The following RALGAPB variants were observed in gnomAD, a reference collection of about 807,000 sequenced individuals.
The protein encoded by RALGAPB is Ral GTPase activating protein non-catalytic subunit beta.
Under a neutral mutation model 161.1 loss-of-function variants are expected in RALGAPB, and 25 were observed. That is an observed-to-expected ratio of 0.16 (90% CI 0.11 to 0.22). The LOEUF (loss-of-function observed/expected upper bound fraction) is 0.22. RALGAPB is among the 10% of genes least tolerant of loss of function. The pLI, the probability that RALGAPB is intolerant of heterozygous loss-of-function variation, is 1.00. For missense variants in RALGAPB, 1,391 were observed against 1,815.2 expected, an observed-to-expected ratio of 0.77 and a Z score of 4.25; for synonymous variants, 629 against 626.1, an observed-to-expected ratio of 1.00 and a Z score of -0.07.
chr20:38,541,778 G>A (rs1006860858), intron 18 of RALGAPB, among the ~76,000 whole-genome samples: 1 of 152,108 alleles, frequency 6.6e-6, no homozygotes, highest in Admixed American at 6.5e-5. Flanking sequence ...ATAAAATGCT[G>A]GGGAGTTGAA....
chr20:38,488,123 A>G (rs1473977834), intron 1 of RALGAPB, among the ~76,000 whole-genome samples: 1 of 152,206 alleles, frequency 6.6e-6, no homozygotes, highest in African/African-American at 2.4e-5. Context: ...TACAAAGGAA[A>G]CAAGTTTCAC....
At chr20:38,574,735 T>G in intron 29 of RALGAPB, 39 bp from the exon 30 acceptor site, 1 of 1,561,398 alleles carries the variant, frequency 6.4e-7, no homozygotes. Context: ...CGTAAGTGAC[T>G]AGTTTCTAAC....
chr20:38,481,254 T>G (rs2084960133), intron 1 of RALGAPB, among the ~76,000 whole-genome samples: 1 of 152,178 alleles, frequency 6.6e-6, no homozygotes, highest in African/African-American at 2.4e-5. Flanking sequence ...AATATCACAT[T>G]CAACATTTTA....
chr20:38,492,100 C>G (rs1315180041), intron 2 of RALGAPB, among the ~76,000 whole-genome samples: 2 of 152,186 alleles, frequency 1.3e-5, no homozygotes, highest in East Asian at 3.8e-4. Flanking sequence ...TACCACATGA[C>G]AGAATAGTAT....
At chr20:38,524,699 C>A in intron 10 of RALGAPB, 79 bp from the exon 11 acceptor site, 1 of 1,094,182 alleles carries the variant, frequency 9.1e-7, no homozygotes, top group Non-Finnish European at 1.4e-6. Flanking sequence ...AATAGACTTT[C>A]AGTTAACTAT....
rs1238699938 is a variant in RALGAPB, at chr20:38,577,174, GGT to G, written c.*2208_*2209del. ...GGATACCCATACCTTACCAGGCGCT[GGT>G]TCCTTCTGCTCACAATAACATCTGC... On this transcript the variant is annotated 3_prime_UTR_variant, in exon 30 of 30. Coordinates refer to ENST00000262879, the MANE Select transcript of RALGAPB (RefSeq NM_020336.4). 1 of 152,154 alleles carries G rather than the reference GGT, an allele frequency of 6.6e-6. No individual in the cohort carries two copies. Among genetic ancestry groups the G allele is most frequent in the African/African-American group, 2.4e-5 (1 of 41,436 alleles). The allele number at this position is 152,154 out of a possible 1,614,324, so 9.4% of individuals were successfully genotyped here. A position where few individuals can be genotyped will look rare whatever the true frequency, so the allele number is the denominator to read the frequency against.
rs142305547 is a variant in RALGAPB at position 38,541,335 on chromosome 20, G to A, written c.2714+143G>A. 619 of 913,994 alleles carry A rather than the reference G, an allele frequency of 6.8e-4. 3 individuals are homozygous for A. In the African/African-American group the frequency reaches 9.1e-3, roughly 13 times the overall value. The allele number at this position is 913,994 out of a possible 1,614,324, so 56.6% of individuals were successfully genotyped here. ...ATACTTTTTCTCCAGAAATAAAATG[G>A]GAAGAAAATCTCTATTTTTTTTTTA... On this transcript the variant is annotated intron_variant, in intron 18 of 29. Transcript: ENST00000262879.
chr20:38,492,259 C>G (rs956784115), intron 2 of RALGAPB, among the ~76,000 whole-genome samples: 9 of 152,164 alleles, frequency 5.9e-5, no homozygotes, highest in Non-Finnish European at 1.2e-4. Flanking sequence ...CTGCCGGCAG[C>G]CTAGTGGTTC....
chr20:38,483,159 G>T lies in RALGAPB; in HGVS notation c.-30-5244G>T, dbSNP rs536638731. Among the ~76,000 whole-genome samples the T allele has an allele frequency of 7.2e-5, 11 of 152,324 alleles. No homozygotes were observed. The South Asian group carries it at 2.3e-3, about 32-fold the overall frequency. On this transcript the variant is annotated intron_variant, in intron 1 of 29. Transcript: ENST00000262879. Reference sequence around the variant, plus strand: ...CCGCCTCCGCCTCCCATGGTGCTGGGATTATAGGCGTGAGCCACCATACCT... The same window carrying T: ...CCGCCTCCGCCTCCCATGGTGCTGGTATTATAGGCGTGAGCCACCATACCT...
Position 38,497,441 on chromosome 20 carries a change from C to T in RALGAPB, c.478C>T (p.Arg160Ter). Residue 160 changes from arginine to a stop codon, truncating the protein, a stop_gained, in exon 4 of 30, where the codon CGA becomes TGA. Coordinates refer to ENST00000262879, the MANE Select transcript of RALGAPB (RefSeq NM_020336.4). LOFTEE classifies it high-confidence loss of function. The stretch of plus-strand genomic sequence containing the variant: ...GGCCCGTGAGTCATCTCTCATGGCC[C>T]GAGAAACTTGGGAAGTCTTACTGTT... ...KLARESSLMA[R>*]ETWEVLLLFL... 1.2e-6 allele frequency: 2 copies of T among 1,614,010 alleles called. No homozygotes were observed. Among genetic ancestry groups the T allele is most frequent in the East Asian group, 2.2e-5 (1 of 44,878 alleles).
chr20:38,517,798 T>C lies in RALGAPB; in HGVS notation c.1215T>C (p.His405=). The change falls in exon 9 of 30, where the codon CAT becomes CAC. Residue 405 remains histidine, a synonymous_variant. Coordinates refer to ENST00000262879, the MANE Select transcript of RALGAPB (RefSeq NM_020336.4). ...TCGTCTAATAGGTTAGTACTGCTCA[T>C]GCCTCTAAAGTTCAGCACCAGACGT... ...TMKTSTVSTA[H]ASKVQHQTSS... 1 of 1,613,262 alleles carries C rather than the reference T, an allele frequency of 6.2e-7. No individual in the cohort carries two copies. Among genetic ancestry groups the C allele is most frequent in the Non-Finnish European group, 8.5e-7 (1 of 1,179,178 alleles).
rs773469071 is a variant in RALGAPB, at chr20:38,548,828, G to A, written c.3009+33G>A. The stretch of plus-strand genomic sequence containing the variant: ...TCAGAAGTTACAGGGAAGTGTGTGT[G>A]TGTTTTGTAATTTAAAGGTTAGGTA... On this transcript the variant is annotated intron_variant, in intron 20 of 29. Coordinates refer to ENST00000262879, the MANE Select transcript of RALGAPB (RefSeq NM_020336.4). 8 of 1,531,100 alleles carry A rather than the reference G, an allele frequency of 5.2e-6. No individual in the cohort carries two copies. The Middle Eastern group carries it at 5.1e-4, about 97-fold the overall frequency. The allele number at this position is 1,531,100 out of a possible 1,614,324, so 94.8% of individuals were successfully genotyped here. A position where few individuals can be genotyped will look rare whatever the true frequency, so the allele number is the denominator to read the frequency against.
rs187975240 is a variant in RALGAPB at position 38,515,324 on chromosome 20, C to G, written c.873-868C>G. ...GAAAAAGAGGTTTTGAAAGGCAGAG[C>G]ATGTATAGATCACTGATTCCTATTT... On this transcript the variant is annotated intron_variant, in intron 6 of 29. Transcript: ENST00000262879. Among the ~76,000 whole-genome samples the G allele has an allele frequency of 7.4e-4, 113 of 152,310 alleles. 1 individual carries two copies. Among genetic ancestry groups the G allele is most frequent in the East Asian group, 1.2e-3 (6 of 5,188 alleles).
At chr20:38,544,448 A>C (rs937503113) in intron 18 of RALGAPB, among the ~76,000 whole-genome samples, 1 of 151,866 alleles carries the variant, frequency 6.6e-6, no homozygotes, top group Admixed American at 6.6e-5. Context: ...CAGGTGGTTT[A>C]CAGAGTATAA....
At chr20:38,521,988 A>G (rs1443645946) in intron 10 of RALGAPB, among the ~76,000 whole-genome samples, 3 of 152,254 alleles carry the variant, frequency 2.0e-5, no homozygotes, top group Non-Finnish European at 4.4e-5. Context: ...TTAGCACAGT[A>G]TTCCCATGTA....
At chr20:38,499,738 T>C (rs933101413) in intron 5 of RALGAPB, 105 bp downstream of exon 5, 128 of 1,085,720 alleles carry the variant, frequency 1.2e-4, no homozygotes, top group South Asian at 1.4e-4. Flanking sequence ...GTTATTACTG[T>C]ACTTTAGATA....
intron 1 of RALGAPB, among the ~76,000 whole-genome samples, chr20:38,487,271 A>C (rs1001810945): frequency 6.6e-6 from 1 of 152,224 alleles, no homozygotes; most frequent in African/African-American, 2.4e-5. Flanking sequence ...TGGCAGTAGA[A>C]GATGAGGCTG....
intron 29 of RALGAPB, 83 bp downstream of exon 29, chr20:38,574,381 A>G: frequency 7.1e-7 from 1 of 1,416,772 alleles, no homozygotes; most frequent in East Asian, 2.3e-5. Flanking sequence ...AAAAATAAGG[A>G]AATGGTGATA....
At chr20:38,573,315 CT>C (rs71869594) in intron 28 of RALGAPB, among the ~76,000 whole-genome samples, 60 of 143,210 alleles carry the variant, frequency 4.2e-4, no homozygotes, top group East Asian at 4.1e-4. Flanking sequence ...ATTGATTTTT[CT>C]TTTTTTTTTT....
Sources: gnomAD v4.1 joint callset for allele counts (sites outside exome capture counted in the v4.1 genomes callset) on GRCh38, gnomAD v4.1.1 for gene constraint, MANE v1.5 for transcripts, NCBI Gene and HGNC (gene_info 2026-07-23, HGNC 2026-07-21) for gene names.